C18orf63: variants seen among roughly 807,000 people sequenced by gnomAD.
C18orf63 encodes the protein chromosome 18 open reading frame 63, also known as uncharacterized protein C18orf63.
C18orf63 carries 50 observed loss-of-function variants against 75.3 expected under a neutral mutation model. The ratio of observed to expected loss-of-function variants is 0.66; its 90% CI spans 0.53 to 0.84. The LOEUF is 0.84. Among genes scored for constraint, C18orf63 ranks in the 40% least tolerant of loss-of-function variants. The probability of loss-of-function intolerance (pLI) is 0.00; values close to 1 mark genes in which losing one functional copy is unlikely to be tolerated. For missense variants in C18orf63, 732 were observed against 800.2 expected (o/e 0.91, Z 1.03); for synonymous variants, 232 against 267.6 (o/e 0.87, Z 1.30).
At chr18:74,323,987 C>G (rs1313331786) in intron 4 of C18orf63, among the ~76,000 whole-genome samples, 1 of 152,202 alleles carries the variant, frequency 6.6e-6, no homozygotes, top group Non-Finnish European at 1.5e-5. Flanking sequence ...CTGGTGCCCA[C>G]CTTGCACCTG....
chr18:74,328,206 T>C, intron 5 of C18orf63, 148 bp downstream of exon 5: 1 of 579,776 alleles, frequency 1.7e-6, no homozygotes, highest in South Asian at 2.4e-5. Flanking sequence ...CAGTTCCACA[T>C]GGCTGGAGAG....
chr18:74,329,024 CA>C lies in C18orf63; in HGVS notation c.415del (p.Ser139ValfsTer5). 3 of 1,505,434 alleles carry C rather than the reference CA, an allele frequency of 2.0e-6. No individual in the cohort carries two copies. Among genetic ancestry groups the C allele is most frequent in the Non-Finnish European group, 2.7e-6 (3 of 1,119,412 alleles). 93.3% of individuals were successfully genotyped at this position (1,505,434 alleles called of 1,614,324 possible). On this transcript the variant is annotated frameshift_variant, in exon 6 of 14. Coordinates refer to ENST00000579455, the MANE Select transcript of C18orf63 (RefSeq NM_001174123.2). LOFTEE classifies it high-confidence loss of function. ...GRDFLSQMGK[Q>X]SAVVLNINVT... ...AGATTTTCTTTCTCAGATGGGAAAA[CA>C]AAGTGCTGTTGGTAAGTAAAAATGC...
rs142959621 is a variant in C18orf63, at chr18:74,350,428, A to T, written c.979-2818A>T. Among the ~76,000 whole-genome samples, 405 of 152,232 alleles carry T rather than the reference A, an allele frequency of 2.7e-3. 3 individuals are homozygous for T. The highest frequency in any genetic ancestry group is 8.9e-3 in the African/African-American group (369 of 41,534). Reference sequence around the variant, plus strand: ...TTATACTGTAGTAGGGTGGGCCCTTAATCCAATATGACTAGTGTTCTTATG... The same window carrying T: ...TTATACTGTAGTAGGGTGGGCCCTTTATCCAATATGACTAGTGTTCTTATG... On this transcript the variant is annotated intron_variant, in intron 11 of 13. Transcript: ENST00000579455.
rs1034989267 is a variant in C18orf63 at position 74,315,956 on chromosome 18, C to G, written c.-186C>G. The G allele has an allele frequency of 2.0e-5, 3 of 152,314 alleles. No homozygotes were observed. The highest frequency in any genetic ancestry group is 7.2e-5 in the African/African-American group (3 of 41,430). The allele number at this position is 152,314 out of a possible 1,614,324, so 9.4% of individuals were successfully genotyped here. ...CCCCACAGAGACCAAGAGGCCTGGC[C>G]TTGGGGGGCAGCTGCTTGAAGGAGG... On this transcript the variant is annotated 5_prime_UTR_variant, in exon 1 of 14. Coordinates refer to ENST00000579455, the MANE Select transcript of C18orf63 (RefSeq NM_001174123.2).
intron 8 of C18orf63, among the ~76,000 whole-genome samples, chr18:74,340,246 A>G (rs1984458317): frequency 6.6e-6 from 1 of 152,362 alleles, no homozygotes; most frequent in South Asian, 2.1e-4. Context: ...CAACAGGTGT[A>G]TGAAAAAATG....
At chr18:74,318,899 A>G (rs1984072636) in intron 2 of C18orf63, among the ~76,000 whole-genome samples, 1 of 152,238 alleles carries the variant, frequency 6.6e-6, no homozygotes, top group African/African-American at 2.4e-5. Context: ...AGGAAGAGTC[A>G]TAGAAAACAT....
At chr18:74,341,886 G>A (rs1294896808) in intron 8 of C18orf63, 146 bp from the exon 9 acceptor site, 2 of 513,384 alleles carry the variant, frequency 3.9e-6, no homozygotes, top group African/African-American at 3.9e-5. Flanking sequence ...AGTACAACGT[G>A]TTTGAAACTT....
chr18:74,319,085 C>G lies in C18orf63; in HGVS notation c.134+1086C>G, dbSNP rs553056431. Among the ~76,000 whole-genome samples the G allele has an allele frequency of 2.0e-5, 3 of 152,212 alleles. No homozygotes were observed. The East Asian group carries it at 5.8e-4, about 29-fold the overall frequency. ...CCCAGGGGCATCAGGGAGCCTGTAC[C>G]CTTCCTGCTAAAGTATAATATGATA... is the stretch of plus-strand genomic sequence containing the variant. On this transcript the variant is annotated intron_variant, in intron 2 of 13. Transcript: ENST00000579455.
At chr18:74,321,788 GT>G (rs1984127684) in intron 3 of C18orf63, among the ~76,000 whole-genome samples, 1 of 151,108 alleles carries the variant, frequency 6.6e-6, no homozygotes, top group Non-Finnish European at 1.5e-5. Flanking sequence ...GTAGCTATCT[GT>G]TTTTAAAAAA....
At chr18:74,324,482 A>G (rs749356859) in intron 4 of C18orf63, among the ~76,000 whole-genome samples, 3 of 152,188 alleles carry the variant, frequency 2.0e-5, no homozygotes, top group Non-Finnish European at 4.4e-5. Flanking sequence ...TAGTTTTAGC[A>G]ATAGCCAAAA....
chr18:74,320,714 G>A (rs1984106499), intron 3 of C18orf63, 123 bp downstream of exon 3: 1 of 560,290 alleles, frequency 1.8e-6, no homozygotes, highest in Non-Finnish European at 3.0e-6. Context: ...ATCACAATGT[G>A]TTACAGGTTA....
intron 11 of C18orf63, among the ~76,000 whole-genome samples, chr18:74,352,022 G>A (rs1305141911): frequency 6.6e-6 from 1 of 152,022 alleles, no homozygotes; most frequent in African/African-American, 2.4e-5. Context: ...CAAGAGATGA[G>A]TGGATAAAAT....
chr18:74,331,520 A>C (rs1390369543), intron 7 of C18orf63, among the ~76,000 whole-genome samples: 1 of 152,180 alleles, frequency 6.6e-6, no homozygotes. Context: ...GAAATGAATG[A>C]TTGGCTCCTT....
intron 11 of C18orf63, among the ~76,000 whole-genome samples, chr18:74,352,074 A>G (rs9958780): frequency 0.042 from 6,431 of 152,234 alleles, 423 homozygotes; most frequent in African/African-American, 0.14. Flanking sequence ...ATTAAAAGGA[A>G]TAAATCCTGA....
chr18:74,329,802 T>G (rs567897971), intron 6 of C18orf63, among the ~76,000 whole-genome samples: 51 of 152,356 alleles, frequency 3.3e-4, no homozygotes, highest in African/African-American at 1.2e-3. Flanking sequence ...TTCATTGATT[T>G]GCACAGTTGT....
At chr18:74,346,488 G>A (rs76670030) in intron 11 of C18orf63, among the ~76,000 whole-genome samples, 5,511 of 152,196 alleles carry the variant, frequency 0.036, 198 homozygotes, top group East Asian at 0.19. Flanking sequence ...AGGCCTACAG[G>A]CAAGGTCATC....
Position 74,356,639 on chromosome 18 carries a change from A to G in C18orf63, c.*192A>G, listed in dbSNP as rs1984770386. ...CATCTTGTTGTATGTGGGTTTCTGT[A>G]TTTAACTAGTCCCCTATTGATAGAC... On this transcript the variant is annotated 3_prime_UTR_variant, in exon 14 of 14. Transcript: ENST00000579455. The G allele has an allele frequency of 6.6e-6, 1 of 152,396 alleles. No homozygotes were observed. The highest frequency in any genetic ancestry group is 2.1e-4 in the South Asian group (1 of 4,830). The allele number at this position is 152,396 out of a possible 1,614,324, so 9.4% of individuals were successfully genotyped here.
Position 74,342,235 on chromosome 18 carries a change from T to C in C18orf63, c.709-6T>C. 6.6e-7 allele frequency: 1 copy of C among 1,518,400 alleles called. No homozygotes were observed. The highest frequency in any genetic ancestry group is 8.8e-7 in the Non-Finnish European group (1 of 1,131,208). 94.1% of individuals were successfully genotyped at this position (1,518,400 alleles called of 1,614,324 possible). A position where few individuals can be genotyped will look rare whatever the true frequency, so the allele number is the denominator to read the frequency against. On this transcript the variant is annotated splice_polypyrimidine_tract_variant and splice_region_variant and intron_variant, in intron 9 of 13. Coordinates refer to ENST00000579455, the MANE Select transcript of C18orf63 (RefSeq NM_001174123.2). The stretch of plus-strand genomic sequence containing the variant: ...AGATATTTAAAATTTTGTGCTTAAT[T>C]TTTAGTATGGCTATAAACTTCCAGG...
Position 74,335,031 on chromosome 18 carries a change from G to C in C18orf63, c.502-3684G>C, listed in dbSNP as rs1984368622. Among the ~76,000 whole-genome samples the C allele has an allele frequency of 2.6e-5, 4 of 152,176 alleles. No homozygotes were observed. In the South Asian group the frequency reaches 6.2e-4, roughly 24 times the overall value. On this transcript the variant is annotated intron_variant, in intron 7 of 13. Transcript: ENST00000579455. ...CTTTGAAGAATTCCCCAGCTCCTAA[G>C]TCTCATCTCTCTTGGTGCTCTCTAC...
Sources: gnomAD v4.1 joint callset for allele counts (sites outside exome capture counted in the v4.1 genomes callset) on GRCh38, gnomAD v4.1.1 for gene constraint, MANE v1.5 for transcripts, NCBI Gene and HGNC (gene_info 2026-07-23, HGNC 2026-07-21) for gene names.